Variants in RBFOX1 observed in about 807,000 individuals in gnomAD.
RBFOX1 encodes RNA binding fox-1 homolog 1, also known as RNA binding protein fox-1 homolog 1.
A neutral mutation model predicts 57.7 loss-of-function variants in RBFOX1; 8 were observed. The observed-to-expected ratio is 0.14, with a 90% confidence interval of 0.08 to 0.25. The LOEUF (loss-of-function observed/expected upper bound fraction) is 0.25, where lower values mean the gene tolerates loss of function less well. Among genes scored for constraint, RBFOX1 ranks in the 10% least tolerant of loss-of-function variants. The pLI is 1.00. For synonymous variants in RBFOX1, 326 were observed against 222.4 expected (o/e 1.47, Z -4.15); for missense variants, 611 against 548.5 (o/e 1.11, Z -1.14).
intron 2 of RBFOX1, among the ~76,000 whole-genome samples, chr16:6,470,714 C>G (rs991358996): frequency 6.6e-6 from 1 of 152,206 alleles, no homozygotes; most frequent in South Asian, 2.1e-4. Context: ...GTCATCGATA[C>G]CACCATTTAG....
intron 3 of RBFOX1, among the ~76,000 whole-genome samples, chr16:6,695,330 C>T (rs1292464434): frequency 6.9e-6 from 1 of 144,572 alleles, no homozygotes; most frequent in East Asian, 2.2e-4. Context: ...GCAGGAGAAT[C>T]GCTTGAACCC....
chr16:7,170,065 C>A (rs1019108868), intron 4 of RBFOX1, among the ~76,000 whole-genome samples: 1 of 152,080 alleles, frequency 6.6e-6, no homozygotes, highest in Non-Finnish European at 1.5e-5. Context: ...TAGAGGAAGA[C>A]CCTGTCTCAA....
chr16:6,452,279 C>G (rs920396683), intron 2 of RBFOX1, among the ~76,000 whole-genome samples: 2 of 151,838 alleles, frequency 1.3e-5, no homozygotes, highest in Non-Finnish European at 2.9e-5. Context: ...TCCTTCCTTC[C>G]ATGACTCCAT....
At chr16:7,202,996 C>T (rs898353639) in intron 4 of RBFOX1, among the ~76,000 whole-genome samples, 2 of 152,076 alleles carry the variant, frequency 1.3e-5, no homozygotes, top group African/African-American at 2.4e-5. Context: ...CCGTGTGAGC[C>T]AGGATGGTCT....
At chr16:7,030,010 A>G (rs1020075088) in intron 3 of RBFOX1, among the ~76,000 whole-genome samples, 1 of 152,204 alleles carries the variant, frequency 6.6e-6, no homozygotes, top group Non-Finnish European at 1.5e-5. Flanking sequence ...CGTGTGTGTG[A>G]TCCCTTTATG....
At chr16:6,104,107 G>C (rs1311845407) in intron 1 of RBFOX1, among the ~76,000 whole-genome samples, 2 of 151,180 alleles carry the variant, frequency 1.3e-5, no homozygotes, top group South Asian at 4.2e-4. Context: ...TCTAATTAGG[G>C]ACATCATAGG....
chr16:5,871,464 A>G (rs1330064321), intron 4 of RBFOX1, among the ~76,000 whole-genome samples: 1 of 152,210 alleles, frequency 6.6e-6, no homozygotes, highest in Non-Finnish European at 1.5e-5. Context: ...TTGCTACTGT[A>G]TGTCTCCTAG....
chr16:6,003,156 G>A (rs920715630), intron 4 of RBFOX1, among the ~76,000 whole-genome samples: 9 of 152,066 alleles, frequency 5.9e-5, no homozygotes, highest in Non-Finnish European at 1.3e-4. Context: ...GCGGGCGGTT[G>A]TAGTCCCAGG....
intron 3 of RBFOX1, among the ~76,000 whole-genome samples, chr16:6,955,748 A>T (rs1022330664): frequency 2.6e-5 from 4 of 151,340 alleles, no homozygotes; most frequent in African/African-American, 7.4e-5. Flanking sequence ...TTGTTCCCCA[A>T]GCTGGAGTGC....
intron 1 of RBFOX1, among the ~76,000 whole-genome samples, chr16:5,406,043 C>G (rs1256880948): frequency 2.6e-5 from 4 of 152,194 alleles, no homozygotes; most frequent in Admixed American, 6.5e-5. Context: ...CCACTTTTAT[C>G]TGGGAGTTCT....
intron 2 of RBFOX1, among the ~76,000 whole-genome samples, chr16:6,646,344 C>G (rs1274900932): frequency 2.0e-5 from 3 of 152,228 alleles, no homozygotes; most frequent in South Asian, 2.1e-4. Context: ...AGATGACAAA[C>G]TAACAATATC....
chr16:7,561,754 C>A (rs1892274764), intron 5 of RBFOX1, among the ~76,000 whole-genome samples: 1 of 152,162 alleles, frequency 6.6e-6, no homozygotes, highest in South Asian at 2.1e-4. Context: ...AGATCAGTGC[C>A]ATCTTAAATT....
intron 4 of RBFOX1, among the ~76,000 whole-genome samples, chr16:5,955,336 TAAAATAAAATAAAATAAATAAAAATAAAA>T (rs1567187693): frequency 0.018 from 898 of 50,286 alleles, 40 homozygotes; most frequent in Middle Eastern, 0.036. Context: ...TAAAATAAAA[TAAAATAAAATAAAATAAATAAAAATAAAA>T]TAAAATAAAA....
intron 4 of RBFOX1, among the ~76,000 whole-genome samples, chr16:7,291,963 A>G (rs1279907007): frequency 1.9e-5 from 2 of 103,954 alleles, no homozygotes; most frequent in Non-Finnish European, 3.7e-5. Context: ...ATAATATATA[A>G]TATATTTTAT....
chr16:7,049,344 A>G (rs1019732289), intron 3 of RBFOX1, among the ~76,000 whole-genome samples: 2 of 152,176 alleles, frequency 1.3e-5, no homozygotes, highest in African/African-American at 4.8e-5. Flanking sequence ...ACAGTCCTAG[A>G]TGTTAAGTGT....
chr16:6,998,463 G>C (rs982360201), intron 3 of RBFOX1, among the ~76,000 whole-genome samples: 3 of 152,160 alleles, frequency 2.0e-5, no homozygotes, highest in Non-Finnish European at 4.4e-5. Flanking sequence ...TGTTAGACAA[G>C]GTTTTAGGGA....
chr16:6,918,805 A>T (rs773150218), intron 3 of RBFOX1, among the ~76,000 whole-genome samples: 3 of 152,150 alleles, frequency 2.0e-5, no homozygotes, highest in South Asian at 2.1e-4. Flanking sequence ...AGCATTGAGC[A>T]GAAGCGCACT....
chr16:7,163,098 A>G (rs12597524), intron 4 of RBFOX1, among the ~76,000 whole-genome samples: 91,335 of 152,066 alleles, frequency 0.6, 29,084 homozygotes, highest in Non-Finnish European at 0.71. Context: ...GCACCCATAA[A>G]TAATTCCTAA....
intron 4 of RBFOX1, among the ~76,000 whole-genome samples, chr16:7,182,763 G>A (rs1396539585): frequency 6.6e-6 from 1 of 152,098 alleles, no homozygotes; most frequent in East Asian, 1.9e-4. Context: ...CATCAGATTT[G>A]CCTCACCCCT....
Sources: gnomAD v4.1 joint callset for allele counts (sites outside exome capture counted in the v4.1 genomes callset) on GRCh38, gnomAD v4.1.1 for gene constraint, MANE v1.5 for transcripts, NCBI Gene and HGNC (gene_info 2026-07-23, HGNC 2026-07-21) for gene names.